LRRC37A2: variants seen among roughly 807,000 people sequenced by gnomAD.
LRRC37A2 encodes leucine-rich repeat-containing protein 37A2.
Under a neutral mutation model 68.8 loss-of-function variants are expected in LRRC37A2, and 9 were observed. That is an observed-to-expected ratio of 0.13 (90% CI 0.08 to 0.23). The LOEUF is 0.23. Ranked by LOEUF, LRRC37A2 falls within the 10% of genes least tolerant of loss-of-function variation. The probability of loss-of-function intolerance (pLI) is 1.00; values close to 1 mark genes in which losing one functional copy is unlikely to be tolerated. For synonymous variants in LRRC37A2, 63 were observed against 367.6 expected (o/e 0.17, Z 9.48); for missense variants, 168 against 950.4 (o/e 0.18, Z 10.82).
chr17:46,928,885 A>G, the LRRC37A2 span, among the ~76,000 whole-genome samples: 2 of 152,084 alleles, frequency 1.3e-5, no homozygotes, highest in African/African-American at 4.8e-5. Flanking sequence ...TTCCATCCAC[A>G]TAACTTACCT....
At chr17:46,718,122 C>T in the LRRC37A2 span, among the ~76,000 whole-genome samples, 2 of 152,194 alleles carry the variant, frequency 1.3e-5, no homozygotes, top group African/African-American at 4.8e-5. Flanking sequence ...GACAGCTGGT[C>T]CTGAGGGAGA....
chr17:46,843,270 C>A, the LRRC37A2 span, among the ~76,000 whole-genome samples: 1 of 152,242 alleles, frequency 6.6e-6, no homozygotes. Flanking sequence ...ACTTTTTCAA[C>A]CTCCTCTCAC....
At chr17:47,011,454 C>A in the LRRC37A2 span, among the ~76,000 whole-genome samples, 4 of 150,928 alleles carry the variant, frequency 2.7e-5, no homozygotes, top group African/African-American at 9.8e-5. Context: ...GAAGCTGTGG[C>A]AGCAGAATCG....
chr17:47,006,629 C>T, the LRRC37A2 span, among the ~76,000 whole-genome samples: 385 of 152,200 alleles, frequency 2.5e-3, 1 homozygote, highest in African/African-American at 7.8e-3. Context: ...TAAATAAAGG[C>T]CAACAGGATG....
chr17:46,807,703 G>A, the LRRC37A2 span, among the ~76,000 whole-genome samples: 1 of 152,188 alleles, frequency 6.6e-6, no homozygotes, highest in African/African-American at 2.4e-5. Flanking sequence ...CCCAGGCCAG[G>A]TACAAAGACT....
At chr17:46,525,602 T>TACA (rs1346950818) in intron 6 of LRRC37A2, among the ~76,000 whole-genome samples, 3 of 103,264 alleles carry the variant, frequency 2.9e-5, no homozygotes, top group Non-Finnish European at 6.3e-5. Context: ...ATAATAATAA[T>TACA]ATAATAATAA....
At chr17:46,990,855 G>A in the LRRC37A2 span, among the ~76,000 whole-genome samples, 1 of 152,152 alleles carries the variant, frequency 6.6e-6, no homozygotes. Context: ...ATATTTGGTA[G>A]AGACAGGGTT....
chr17:46,855,567 AAG>A, the LRRC37A2 span, among the ~76,000 whole-genome samples: 1 of 152,224 alleles, frequency 6.6e-6, no homozygotes, highest in Non-Finnish European at 1.5e-5. Flanking sequence ...AGGATTGCTG[AAG>A]AGTTTTTATT....
At chr17:46,999,266 T>A in the LRRC37A2 span, among the ~76,000 whole-genome samples, 2 of 152,224 alleles carry the variant, frequency 1.3e-5, no homozygotes, top group Non-Finnish European at 2.9e-5. Flanking sequence ...CTGCAGCTTA[T>A]TTATTAAGAA....
chr17:46,941,226 T>G, the LRRC37A2 span: 1 of 996,174 alleles, frequency 1.0e-6, no homozygotes, highest in South Asian at 4.4e-5. Context: ...AGTCTTGATT[T>G]TTTAGACTTC....
chr17:46,954,375 G>A, the LRRC37A2 span, among the ~76,000 whole-genome samples: 1 of 152,164 alleles, frequency 6.6e-6, no homozygotes, highest in Non-Finnish European at 1.5e-5. Context: ...TGAGGGCTCT[G>A]TTCTGTTCCA....
the LRRC37A2 span, among the ~76,000 whole-genome samples, chr17:46,716,252 T>G: frequency 2.5e-5 from 3 of 121,762 alleles, no homozygotes; most frequent in Non-Finnish European, 3.5e-5. Context: ...ACTACTGTTC[T>G]TGCCCCTCCT....
chr17:47,036,826 A>T, the LRRC37A2 span, among the ~76,000 whole-genome samples: 1 of 149,468 alleles, frequency 6.7e-6, no homozygotes, highest in East Asian at 1.9e-4. Flanking sequence ...GGTGCCTTAA[A>T]TTGCATTATA....
chr17:46,733,796 G>A, the LRRC37A2 span, among the ~76,000 whole-genome samples: 2 of 152,168 alleles, frequency 1.3e-5, no homozygotes, highest in African/African-American at 2.4e-5. Flanking sequence ...CCACTCCAAC[G>A]TCATAGCAGT....
At chr17:47,029,173 A>G in the LRRC37A2 span, among the ~76,000 whole-genome samples, 6 of 151,448 alleles carry the variant, frequency 4.0e-5, no homozygotes, top group African/African-American at 1.5e-4. Flanking sequence ...CTGGTCTCGA[A>G]CTCCTGTGAC....
At chr17:47,021,541 G>T in the LRRC37A2 span, 1 of 424,730 alleles carries the variant, frequency 2.4e-6, no homozygotes, top group Non-Finnish European at 4.0e-6. Context: ...ATTTGTAGAA[G>T]TCTGTTTAGA....
chr17:46,783,092 C>T, the LRRC37A2 span, among the ~76,000 whole-genome samples: 10,249 of 152,234 alleles, frequency 0.067, 862 homozygotes, highest in African/African-American at 0.2. Context: ...ATTCTCTCAA[C>T]GGGGCCCTCT....
At chr17:46,595,522 G>C in the LRRC37A2 span, among the ~76,000 whole-genome samples, 2 of 114,238 alleles carry the variant, frequency 1.8e-5, 1 homozygote, top group Non-Finnish European at 3.1e-5. Flanking sequence ...ACGGAGTCTT[G>C]CTCCGTCACC....
chr17:46,544,915 TC>T (rs1372470123), intron 8 of LRRC37A2, among the ~76,000 whole-genome samples: 2 of 139,666 alleles, frequency 1.4e-5, no homozygotes, highest in Non-Finnish European at 3.1e-5. Context: ...GCCTCTACTT[TC>T]TTTGATCTTT....
Sources: allele counts gnomAD v4.1 joint callset (sites outside exome capture counted in the v4.1 genomes callset), GRCh38; gene constraint gnomAD v4.1.1; transcripts MANE v1.5; gene names NCBI Gene and HGNC (gene_info 2026-07-23, HGNC 2026-07-21).